Variants in SNX32 observed in about 807,000 individuals in gnomAD.
The protein encoded by SNX32 is sorting nexin-32.
A neutral mutation model predicts 57.0 loss-of-function variants in SNX32; 58 were observed. That is an observed-to-expected ratio of 1.02 (90% confidence interval 0.82 to 1.27). SNX32 has a LOEUF of 1.27. SNX32 is among the 50% of genes most tolerant of loss of function. The pLI is 0.00. For missense variants in SNX32, 589 were observed against 541.2 expected (o/e 1.09, Z -0.88); for synonymous variants, 262 against 220.4 (o/e 1.19, Z -1.67).
chr11:65,837,578 G>C (rs1858701413), intron 1 of SNX32, among the ~76,000 whole-genome samples: 1 of 152,112 alleles, frequency 6.6e-6, no homozygotes, highest in Non-Finnish European at 1.5e-5. Context: ...CCAGCATTTT[G>C]GGAGGTCAAG....
At chr11:65,834,701 C>T (rs982368453) in intron 1 of SNX32, among the ~76,000 whole-genome samples, 18 of 145,128 alleles carry the variant, frequency 1.2e-4, no homozygotes, top group African/African-American at 4.1e-4. Flanking sequence ...TGTGTGTCTG[C>T]GCAGGTCTGT....
In SNX32 at chr11:65,851,373, T is replaced by G. The variant is rs747230703; in HGVS notation, c.755T>G (p.Leu252Arg). 1.9e-6 allele frequency: 3 copies of G among 1,614,046 alleles called. No individual in the cohort carries two copies. Among genetic ancestry groups the G allele is most frequent in the Non-Finnish European group, 2.5e-6 (3 of 1,180,008 alleles). ...YIPISAALSS[L>R]GTQEVNQLRT... ...CCTATCTCAGCTGCGCTGAGCAGTC[T>G]GGGAACACAGGAAGTCAACCAGCTA... The change falls in exon 8 of 13, where the codon CTG becomes CGG. Residue 252 changes from leucine (L) to arginine (R), a missense_variant. Transcript: ENST00000308342.
At chr11:65,837,694 T>C (rs1370182504) in intron 1 of SNX32, among the ~76,000 whole-genome samples, 1 of 149,466 alleles carries the variant, frequency 6.7e-6, no homozygotes, top group African/African-American at 2.5e-5. Flanking sequence ...GTGCCACACA[T>C]CTGTAATCCC....
chr11:65,838,963 C>T (rs1858744607), intron 1 of SNX32, among the ~76,000 whole-genome samples: 1 of 151,450 alleles, frequency 6.6e-6, no homozygotes, highest in Non-Finnish European at 1.5e-5. Flanking sequence ...ACACAGTTTC[C>T]AGAGGGAGAT....
intron 1 of SNX32, among the ~76,000 whole-genome samples, chr11:65,837,966 G>A (rs374732285): frequency 1.3e-5 from 2 of 152,154 alleles, no homozygotes; most frequent in East Asian, 3.9e-4. Flanking sequence ...GACCAGCCTG[G>A]CCAACATGGT....
chr11:65,850,636 G>A, intron 5 of SNX32, 82 bp downstream of exon 5: 1 of 1,559,654 alleles, frequency 6.4e-7, no homozygotes, highest in Middle Eastern at 1.9e-4. Context: ...TGGCAGGGCT[G>A]GAGAAGGGGC....
intron 1 of SNX32, among the ~76,000 whole-genome samples, chr11:65,846,004 G>GTCTC (rs1190948829): frequency 3.3e-5 from 5 of 152,218 alleles, no homozygotes; most frequent in Non-Finnish European, 5.9e-5. Flanking sequence ...GGGCTCAGTG[G>GTCTC]CTCACACCTG....
intron 1 of SNX32, among the ~76,000 whole-genome samples, chr11:65,847,349 C>T (rs918022133): frequency 2.0e-5 from 3 of 151,966 alleles, no homozygotes; most frequent in African/African-American, 7.3e-5. Context: ...GGCACATGCC[C>T]GTGGTCCTTG....
chr11:65,842,273 A>AG (rs762969646), intron 1 of SNX32, among the ~76,000 whole-genome samples: 8 of 152,192 alleles, frequency 5.3e-5, no homozygotes, highest in Non-Finnish European at 8.8e-5. Flanking sequence ...CAAAAGGAAA[A>AG]TCTTTATAAC....
At chr11:65,839,315 C>T (rs1437784123) in intron 1 of SNX32, among the ~76,000 whole-genome samples, 4 of 129,702 alleles carry the variant, frequency 3.1e-5, no homozygotes, top group African/African-American at 1.2e-4. Context: ...CTGCAAGCTC[C>T]GCCTCCCGGG....
Position 65,852,548 on chromosome 11 carries a change from C to A in SNX32, c.909C>A (p.Ala303=). 6.2e-7 allele frequency: 1 copy of A among 1,614,212 alleles called. No homozygotes were observed. The highest frequency in any genetic ancestry group is 1.3e-5 in the African/African-American group (1 of 75,060). The part of the protein sequence containing the change: ...LRYYMRDSQA[A]KDLLYRRLRA... ...ACTACATGCGTGACTCACAGGCAGC[C>A]AAGGTGAGAGGCAGCCCCAGCGCAG... The change falls in exon 10 of 13, where the codon GCC becomes GCA. Residue 303 remains alanine, a synonymous_variant. Transcript: ENST00000308342.
In SNX32 at chr11:65,846,309, G is replaced by A. The variant is rs912176656; in HGVS notation, c.37-3169G>A. ...GGCCAGGACGGGTGCGGTGGCTCAC[G>A]CCTGTAATCCCAGCACTTTGGAGGC... On this transcript the variant is annotated intron_variant, in intron 1 of 12. Transcript: ENST00000308342. Among the ~76,000 whole-genome samples the A allele has an allele frequency of 1.5e-4, 23 of 151,760 alleles. No homozygotes were observed. The East Asian group carries it at 2.3e-3, about 15-fold the overall frequency.
chr11:65,849,796 A>T, intron 2 of SNX32, 124 bp from the exon 3 acceptor site: 2 of 809,988 alleles, frequency 2.5e-6, no homozygotes, highest in Non-Finnish European at 3.9e-6. Flanking sequence ...AATCATGCAC[A>T]CCTGAGCTCT....
intron 1 of SNX32, among the ~76,000 whole-genome samples, chr11:65,836,723 T>TA (rs879767200): frequency 2.0e-5 from 3 of 152,060 alleles, no homozygotes; most frequent in Non-Finnish European, 4.4e-5. Context: ...TATGTAGCCA[T>TA]AAAAAAGAAT....
rs887397278 is a variant in SNX32, at chr11:65,853,670, C to A, written c.*335C>A. 1.9e-5 allele frequency: 7 copies of A among 366,118 alleles called. No individual in the cohort carries two copies. The highest frequency in any genetic ancestry group is 4.1e-5 in the African/African-American group (2 of 48,912). The allele number at this position is 366,118 out of a possible 1,614,324, so 22.7% of individuals were successfully genotyped here. A position where few individuals can be genotyped will look rare whatever the true frequency, so the allele number is the denominator to read the frequency against. On this transcript the variant is annotated 3_prime_UTR_variant, in exon 13 of 13. Transcript: ENST00000308342. ...GCTCACTTGATCCCGGCCTGTTCTC[C>A]TTCGCAAATAAAAACCCTGGTTTTG... is the stretch of plus-strand genomic sequence containing the variant.
chr11:65,836,137 T>A (rs942040726), intron 1 of SNX32, among the ~76,000 whole-genome samples: 2 of 152,324 alleles, frequency 1.3e-5, no homozygotes, highest in South Asian at 2.1e-4. Context: ...GAAAGTTCAC[T>A]ACCAGTACTT....
Position 65,851,652 on chromosome 11 carries a change from A to G in SNX32, c.798A>G (p.Lys266=). The change falls in exon 9 of 13, where the codon AAA becomes AAG. Residue 266 remains lysine (K), a synonymous_variant. Transcript: ENST00000308342. ...TACTGCTTCCTAGGAGCTTCCTCAA[A>G]TTGGCAGAGCTCTTTGAACGGCTGA... ...EVNQLRTSFL[K]LAELFERLRK... 1 of 1,614,088 alleles carries G rather than the reference A, an allele frequency of 6.2e-7. No individual in the cohort carries two copies. Among genetic ancestry groups the G allele is most frequent in the East Asian group, 2.2e-5 (1 of 44,882 alleles).
chr11:65,851,230 G>A (rs1057122321), intron 7 of SNX32, 70 bp downstream of exon 7: 33 of 1,600,318 alleles, frequency 2.1e-5, no homozygotes, highest in Middle Eastern at 1.6e-4. Context: ...TTGGGGGAGA[G>A]AAGAGAGCAG....
At chr11:65,834,732 G>A (rs545772529) in intron 1 of SNX32, among the ~76,000 whole-genome samples, 33 of 150,024 alleles carry the variant, frequency 2.2e-4, no homozygotes, top group African/African-American at 8.1e-4. Flanking sequence ...GTCTGAGTGT[G>A]TGTCTGTCTC....
Sources: allele counts gnomAD v4.1 joint callset (sites outside exome capture counted in the v4.1 genomes callset), GRCh38; gene constraint gnomAD v4.1.1; transcripts MANE v1.5; gene names NCBI Gene and HGNC (gene_info 2026-07-23, HGNC 2026-07-21).